PLEKHM2: variants seen among roughly 807,000 people sequenced by gnomAD.
PLEKHM2 encodes pleckstrin homology and RUN domain containing M2, also known as pleckstrin homology domain-containing family M member 2.
Under a neutral mutation model 116.3 loss-of-function variants are expected in PLEKHM2, and 77 were observed. The observed-to-expected ratio is 0.66, with a 90% CI of 0.55 to 0.80. The LOEUF (loss-of-function observed/expected upper bound fraction) is 0.80. PLEKHM2 is among the 30% of genes least tolerant of loss of function. The probability of loss-of-function intolerance (pLI) is 0.00; values close to 1 mark genes in which losing one functional copy is unlikely to be tolerated. For synonymous variants in PLEKHM2, 562 were observed against 571.0 expected (o/e 0.98, Z 0.22); for missense variants, 1,183 against 1,354.9 (o/e 0.87, Z 1.99).
intron 16 of PLEKHM2, 94 bp from the exon 17 acceptor site, chr1:15,731,795 C>A: frequency 9.3e-7 from 1 of 1,075,660 alleles, no homozygotes. Flanking sequence ...GTGGGGCAGA[C>A]CCTGTGCCGC....
rs1571072633 is a variant in PLEKHM2 at position 15,730,533 on chromosome 1, C to T, written c.2210C>T (p.Ala737Val). The change falls in exon 15 of 20, where the codon GCA becomes GTA. Residue 737 changes from alanine to valine, a missense_variant and splice_region_variant. Physicochemically the swap from Ala to Val is moderately conservative, Grantham distance 64 (BLOSUM62 0). Transcript: ENST00000375799. The part of the protein sequence containing the change: ...KFVAQESKCE[A>V]SAVTVRFYGL... ...CCCCCGTGCCCGCCCCCGCATCAGG[C>T]ATCTGCTGTCACCGTGCGCTTCTAC... 6.3e-7 allele frequency: 1 copy of T among 1,575,234 alleles called. No individual in the cohort carries two copies.
At chr1:15,726,967 A>C in intron 8 of PLEKHM2, 47 bp from the exon 9 acceptor site, 1 of 1,308,862 alleles carries the variant, frequency 7.6e-7, no homozygotes, top group Non-Finnish European at 1.0e-6. Flanking sequence ...TTTCCTCAGC[A>C]CTGGACTACT....
intron 1 of PLEKHM2, among the ~76,000 whole-genome samples, chr1:15,689,243 C>CT (rs1351820297): frequency 9.4e-6 from 1 of 106,452 alleles, no homozygotes; most frequent in African/African-American, 6.1e-5. Flanking sequence ...GAAACTCCGT[C>CT]TCAAAAAAAA....
chr1:15,718,583 C>T lies in PLEKHM2; in HGVS notation c.423C>T (p.Thr141=), dbSNP rs947019197. The T allele has an allele frequency of 1.4e-5, 21 of 1,540,436 alleles. No individual in the cohort carries two copies. The highest frequency in any genetic ancestry group is 4.7e-5 in the South Asian group (4 of 85,762). The change falls in exon 5 of 20, where the codon ACC becomes ACT. Residue 141 remains threonine, a synonymous_variant. Coordinates refer to ENST00000375799, the MANE Select transcript of PLEKHM2 (RefSeq NM_015164.4). Reference sequence around the variant, plus strand: ...ACGATCACCTGACGCTCTTCCTGACCTTGGTGTCCGGGCTAGAGTTCATTC... The same window carrying T: ...ACGATCACCTGACGCTCTTCCTGACTTTGGTGTCCGGGCTAGAGTTCATTC... ...CSHDHLTLFL[T]LVSGLEFIRF... is the part of the protein sequence containing the mutation.
chr1:15,731,065 C>T, intron 15 of PLEKHM2, 127 bp from the exon 16 acceptor site: 1 of 719,822 alleles, frequency 1.4e-6, no homozygotes, highest in Non-Finnish European at 2.4e-6. Flanking sequence ...AGATGACAGC[C>T]CCTGGTGTCC....
At chr1:15,704,184 C>T (rs1221325727) in intron 1 of PLEKHM2, among the ~76,000 whole-genome samples, 2 of 150,378 alleles carry the variant, frequency 1.3e-5, no homozygotes, top group Non-Finnish European at 3.0e-5. Context: ...CCCATCCTGT[C>T]TTTCCTGGGC....
rs193230384 is a variant in PLEKHM2 at position 15,732,833 on chromosome 1, A to G, written c.2922+105A>G. ...GCTCCCAGGACTTGGCCCTGCCTCC[A>G]GGGTCCTGGGCACAGCCATGTACCA... On this transcript the variant is annotated intron_variant, in intron 19 of 19. Coordinates refer to ENST00000375799, the MANE Select transcript of PLEKHM2 (RefSeq NM_015164.4). The G allele has an allele frequency of 2.5e-3, 1,952 of 772,130 alleles. 21 individuals are homozygous for G. The African/African-American group carries it at 0.028, about 11-fold the overall frequency. 47.8% of individuals were successfully genotyped at this position (772,130 alleles called of 1,614,324 possible).
intron 5 of PLEKHM2, among the ~76,000 whole-genome samples, chr1:15,718,855 T>C (rs1225324844): frequency 1.3e-5 from 2 of 152,176 alleles, no homozygotes; most frequent in African/African-American, 4.8e-5. Flanking sequence ...TTTTCCTATC[T>C]CCCTATCCAA....
intron 1 of PLEKHM2, among the ~76,000 whole-genome samples, chr1:15,707,149 C>G (rs1641242478): frequency 6.6e-6 from 1 of 151,848 alleles, no homozygotes; most frequent in Admixed American, 6.6e-5. Flanking sequence ...GGGCTGGGCA[C>G]CATGGCTTAT....
chr1:15,727,347 C>A lies in PLEKHM2; in HGVS notation c.1275C>A (p.Thr425=). The stretch of plus-strand genomic sequence containing the variant: ...TCAACGGGCAGCTGGACCCCAGCAC[C>A]TGGTGCTCCCGTGCTGAGCCCCCAG... ...DQLNGQLDPS[T]WCSRAEPPDQ... Residue 425 remains threonine, a synonymous_variant, in exon 9 of 20, where the codon ACC becomes ACA. Coordinates refer to ENST00000375799, the MANE Select transcript of PLEKHM2 (RefSeq NM_015164.4). This position sits in a 1 kb window ranked among gnomAD's most constrained non-coding sequence, Gnocchi z 7.5. The A allele has an allele frequency of 6.3e-7, 1 of 1,597,260 alleles. No individual in the cohort carries two copies. Among genetic ancestry groups the A allele is most frequent in the Middle Eastern group, 1.7e-4 (1 of 6,042 alleles).
chr1:15,725,123 T>C lies in PLEKHM2; in HGVS notation c.713-194T>C, dbSNP rs2068045210. Among the ~76,000 whole-genome samples, 6 of 152,322 alleles carry C rather than the reference T, an allele frequency of 3.9e-5. No individual in the cohort carries two copies. In the South Asian group the frequency reaches 1.2e-3, roughly 32 times the overall value. On this transcript the variant is annotated intron_variant, in intron 7 of 19. Transcript: ENST00000375799. ...CAGGGGTGGTGGAGATGGTGTTCCT[T>C]CCAAGTTGCTCCTAAAGTACAAAAC...
intron 1 of PLEKHM2, among the ~76,000 whole-genome samples, chr1:15,693,080 G>A (rs1478136387): frequency 7.6e-6 from 1 of 132,290 alleles, no homozygotes; most frequent in East Asian, 2.2e-4. Context: ...TCTCTCCGTT[G>A]CCCAGGCTGT....
Position 15,727,865 on chromosome 1 carries a change from C to A in PLEKHM2, c.1760+33C>A. 2 of 1,484,948 alleles carry A rather than the reference C, an allele frequency of 1.3e-6. No homozygotes were observed. Among genetic ancestry groups the A allele is most frequent in the Non-Finnish European group, 1.8e-6 (2 of 1,098,228 alleles). 92.0% of individuals were successfully genotyped at this position (1,484,948 alleles called of 1,614,324 possible). A position where few individuals can be genotyped will look rare whatever the true frequency, so the allele number is the denominator to read the frequency against. The stretch of plus-strand genomic sequence containing the variant: ...GACTCTGCAGCTGGCATGGGACTCT[C>A]CCAGCCCTTGAAGCTGGGGACACTG... On this transcript the variant is annotated intron_variant, in intron 9 of 19. Coordinates refer to ENST00000375799, the MANE Select transcript of PLEKHM2 (RefSeq NM_015164.4). The surrounding 1 kb of genome is among the most constrained non-coding windows in gnomAD (Gnocchi z 7.5).
At chr1:15,726,752 TC>T (rs2068067784) in intron 8 of PLEKHM2, among the ~76,000 whole-genome samples, 1 of 152,096 alleles carries the variant, frequency 6.6e-6, no homozygotes, top group South Asian at 2.1e-4. Context: ...GTAGACCCAC[TC>T]TGGGGTTCCT....
At chr1:15,717,700 C>G (rs763603650) in intron 3 of PLEKHM2, among the ~76,000 whole-genome samples, 193 bp from the exon 4 acceptor site, 10 of 152,202 alleles carry the variant, frequency 6.6e-5, no homozygotes, top group Non-Finnish European at 1.3e-4. Context: ...TCAGAATTTC[C>G]TGGCCAGCTA....
chr1:15,719,197 C>G lies in PLEKHM2; in HGVS notation c.466-537C>G, dbSNP rs2067952629. Among the ~76,000 whole-genome samples, 1 of 152,168 alleles carries G rather than the reference C, an allele frequency of 6.6e-6. No homozygotes were observed. The highest frequency in any genetic ancestry group is 2.1e-4 in the South Asian group (1 of 4,830). On this transcript the variant is annotated intron_variant, in intron 5 of 19. Coordinates refer to ENST00000375799, the MANE Select transcript of PLEKHM2 (RefSeq NM_015164.4). The surrounding 1 kb of genome is among the most constrained non-coding windows in gnomAD (Gnocchi z 4.1). ...AGGCGCAGTGGCTCACACCTATAAT[C>G]CCAGCACTTTGGGAGGCTGAGGTGG...
intron 1 of PLEKHM2, among the ~76,000 whole-genome samples, chr1:15,710,362 C>T (rs913457581): frequency 5.3e-5 from 8 of 151,870 alleles, no homozygotes; most frequent in Admixed American, 6.6e-5. Context: ...GAGTCTCACT[C>T]GGCTGCCCAG....
Position 15,727,843 on chromosome 1 carries a change from T to C in PLEKHM2, c.1760+11T>C. ...TTCCTCGGAGTTCAGGTAACAAGAC[T>C]CTGCAGCTGGCATGGGACTCTCCCA... On this transcript the variant is annotated intron_variant, in intron 9 of 19. Transcript: ENST00000375799. The surrounding 1 kb of genome is among the most constrained non-coding windows in gnomAD (Gnocchi z 7.5). 1.3e-6 allele frequency: 2 copies of C among 1,540,186 alleles called. No homozygotes were observed. Among genetic ancestry groups the C allele is most frequent in the Non-Finnish European group, 1.8e-6 (2 of 1,138,504 alleles).
At position 15,732,394 on chromosome 1, in the gene PLEKHM2, C is replaced by T. The variant is rs1235237822; in HGVS notation, c.2670C>T (p.Cys890=). 1.3e-6 allele frequency: 2 copies of T among 1,564,294 alleles called. No homozygotes were observed. The highest frequency in any genetic ancestry group is 1.4e-5 in the African/African-American group (1 of 73,900). ...CTCCCAGCCCCTGCATACCCTGCTG[C>T]CTGGTCCTCACGGATGACCGCCTCT... ...GVAPSPCIPC[C]LVLTDDRLFT... is the part of the protein sequence containing the mutation. Residue 890 remains cysteine (C), a synonymous_variant, in exon 18 of 20, where the codon TGC becomes TGT. Transcript: ENST00000375799.
Sources: allele counts gnomAD v4.1 joint callset (sites outside exome capture counted in the v4.1 genomes callset), GRCh38; gene constraint gnomAD v4.1.1; non-coding constraint Gnocchi (gnomAD v3.1); transcripts MANE v1.5; gene names NCBI Gene and HGNC (gene_info 2026-07-23, HGNC 2026-07-21).